The following FCRL2 variants were observed in gnomAD, a reference collection of about 807,000 sequenced individuals.
FCRL2 encodes the protein Fc receptor like 2.
In FCRL2, 48 loss-of-function variants were observed where a neutral mutation model predicts 59.8. That is an observed-to-expected ratio of 0.80 (90% CI 0.64 to 1.02). FCRL2 has a LOEUF of 1.02. Ranked by LOEUF, FCRL2 falls within the 50% of genes least tolerant of loss-of-function variation. The probability of loss-of-function intolerance (pLI) is 0.00; values close to 1 mark genes in which losing one functional copy is unlikely to be tolerated. For missense variants in FCRL2, 658 were observed against 597.3 expected (o/e 1.10, Z -1.06); for synonymous variants, 251 against 229.5 (o/e 1.09, Z -0.85).
intron 3 of FCRL2, 26 bp downstream of exon 3, chr1:157,770,383 C>G: frequency 1.3e-6 from 2 of 1,568,448 alleles, no homozygotes; most frequent in South Asian, 2.3e-5. Context: ...CTCACCCAGC[C>G]CATCCCACAG....
chr1:157,764,508 A>G (rs1458865402), intron 7 of FCRL2, among the ~76,000 whole-genome samples: 1 of 152,232 alleles, frequency 6.6e-6, no homozygotes, highest in Non-Finnish European at 1.5e-5. Context: ...TTGTTCAACA[A>G]CTACAGAATA....
chr1:157,760,294 T>C (rs1056291708), intron 7 of FCRL2, among the ~76,000 whole-genome samples: 3 of 151,126 alleles, frequency 2.0e-5, no homozygotes, highest in Non-Finnish European at 2.9e-5. Flanking sequence ...TATTTGAGGG[T>C]GGAGGGAGGG....
intron 2 of FCRL2, among the ~76,000 whole-genome samples, chr1:157,771,669 C>T (rs1296411758): frequency 4.6e-5 from 7 of 152,156 alleles, no homozygotes; most frequent in African/African-American, 7.2e-5. Context: ...CTAATTTTGA[C>T]CCCGTCACTT....
At chr1:157,759,393 C>G (rs111973915) in intron 7 of FCRL2, among the ~76,000 whole-genome samples, 7 of 152,166 alleles carry the variant, frequency 4.6e-5, no homozygotes, top group African/African-American at 1.7e-4. Context: ...CCAAGAAAAG[C>G]CTTCATGATG....
chr1:157,749,587 G>A (rs551070642), intron 8 of FCRL2, 63 bp downstream of exon 8: 4 of 1,137,706 alleles, frequency 3.5e-6, no homozygotes, highest in South Asian at 1.3e-5. Flanking sequence ...GAGTACAGTA[G>A]GTATTTAAAA....
At chr1:157,749,139 C>A (rs1305780548) in intron 8 of FCRL2, among the ~76,000 whole-genome samples, 179 bp from the exon 9 acceptor site, 1 of 152,116 alleles carries the variant, frequency 6.6e-6, no homozygotes, top group Non-Finnish European at 1.5e-5. Flanking sequence ...TGTTCCTTAT[C>A]TTTGGCTTTT....
rs1479175476 is a variant in FCRL2 at position 157,766,649 on chromosome 1, A to G, written c.1279+206T>C. The G allele has an allele frequency of 1.1e-5, 7 of 654,198 alleles. No individual in the cohort carries two copies. The South Asian group carries it at 1.7e-4, about 16-fold the overall frequency. The allele number at this position is 654,198 out of a possible 1,614,324, so 40.5% of individuals were successfully genotyped here. ...GTAAATAATTTAATCTCCAGTGACT[A>G]TGCACAGGGAACAGTGACATATTGT... is the stretch of plus-strand genomic sequence containing the variant. On this transcript the variant is annotated intron_variant, in intron 7 of 11. Coordinates refer to ENST00000361516, the MANE Select transcript of FCRL2 (RefSeq NM_030764.4).
intron 2 of FCRL2, among the ~76,000 whole-genome samples, chr1:157,775,071 A>G (rs1197427815): frequency 6.6e-6 from 1 of 152,242 alleles, no homozygotes; most frequent in African/African-American, 2.4e-5. Flanking sequence ...TAATACATGC[A>G]TTTTTAAAAA....
Position 157,746,671 on chromosome 1 carries a change from T to C in FCRL2, c.*65A>G, listed in dbSNP as rs1647768147. On this transcript the variant is annotated 3_prime_UTR_variant, in exon 12 of 12. Transcript: ENST00000361516. The stretch of plus-strand genomic sequence containing the variant: ...TAAGCCTCAAGCATTTTCATAAGGT[T>C]TTATAGCAAGTCTTAATGATGCCCC... 1.3e-6 allele frequency: 2 copies of C among 1,546,884 alleles called. No homozygotes were observed. Among genetic ancestry groups the C allele is most frequent in the African/African-American group, 2.7e-5 (2 of 73,472 alleles).
At chr1:157,752,352 C>A (rs1291766698) in intron 7 of FCRL2, among the ~76,000 whole-genome samples, 2 of 152,220 alleles carry the variant, frequency 1.3e-5, no homozygotes, top group African/African-American at 4.8e-5. Context: ...ATCTCTTTGC[C>A]TGCCGCCATC....
chr1:157,773,559 G>A (rs984208141), intron 2 of FCRL2, among the ~76,000 whole-genome samples: 1 of 152,192 alleles, frequency 6.6e-6, no homozygotes, highest in African/African-American at 2.4e-5. Flanking sequence ...TTGGTTCATA[G>A]TTTCATATCA....
At chr1:157,777,017 C>T (rs1325761770) in intron 1 of FCRL2, 26 bp downstream of exon 1, 5 of 1,607,028 alleles carry the variant, frequency 3.1e-6, no homozygotes, top group Non-Finnish European at 4.3e-6. Context: ...TGCCACCTCA[C>T]TTCTCAGTCA....
Position 157,770,010 on chromosome 1 carries a change from CCTGGTTTTCTCTGAAGAAGCAGAA to C in FCRL2, c.427_450del (p.Phe143_Gln150del). The stretch of plus-strand genomic sequence containing the variant: ...GAGCTGCTCCAGCCTGACCCCAGGA[CCTGGTTTTCTCTGAAGAAGCAGAA>C]CTGGAGTTGAACATCCAACCTCTGT... On this transcript the variant is annotated inframe_deletion, in exon 4 of 12. Transcript: ENST00000361516. 6.2e-7 allele frequency: 1 copy of C among 1,614,182 alleles called. No individual in the cohort carries two copies. Among genetic ancestry groups the C allele is most frequent in the Non-Finnish European group, 8.5e-7 (1 of 1,180,034 alleles).
At chr1:157,750,687 T>A (rs962397193) in intron 7 of FCRL2, among the ~76,000 whole-genome samples, 2 of 152,214 alleles carry the variant, frequency 1.3e-5, no homozygotes, top group East Asian at 3.8e-4. Context: ...GCTTGTTTAG[T>A]CTTCATGGAA....
chr1:157,757,503 A>G (rs1648689444), intron 7 of FCRL2, among the ~76,000 whole-genome samples: 1 of 152,146 alleles, frequency 6.6e-6, no homozygotes, highest in African/African-American at 2.4e-5. Context: ...AAAAAGAAAG[A>G]ACAACAGAGA....
intron 10 of FCRL2, among the ~76,000 whole-genome samples, chr1:157,747,343 G>A (rs180872000): frequency 1.1e-4 from 17 of 152,318 alleles, no homozygotes; most frequent in African/African-American, 3.8e-4. Context: ...GGTTGCAGGA[G>A]CTGCTTAGTG....
intron 7 of FCRL2, among the ~76,000 whole-genome samples, chr1:157,757,487 TA>T (rs138890498): frequency 0.011 from 1,664 of 147,930 alleles, 12 homozygotes; most frequent in Non-Finnish European, 0.018. Context: ...AAAGTATAAT[TA>T]AAAAAAAAAG....
Position 157,770,598 on chromosome 1 carries a change from C to G in FCRL2, c.121G>C (p.Glu41Gln). The part of the protein sequence containing the change: ...GDSIVLKCQG[E>Q]QNWKIQKMAY... ...ATCTTCTGAATTTTCCAGTTCTGTTCTCCCTGGCATTTCAGAACGATGCTG... is the reference window on the plus strand; with the variant it reads ...ATCTTCTGAATTTTCCAGTTCTGTTGTCCCTGGCATTTCAGAACGATGCTG... Residue 41 changes from glutamate to glutamine, a missense_variant, in exon 3 of 12, where the codon GAA becomes CAA. By Grantham distance (29) the Glu-to-Gln change is conservative. Transcript: ENST00000361516. 2.5e-6 allele frequency: 4 copies of G among 1,614,114 alleles called. No individual in the cohort carries two copies. The highest frequency in any genetic ancestry group is 3.4e-6 in the Non-Finnish European group (4 of 1,179,978).
In FCRL2 at chr1:157,746,713, T is replaced by G; in HGVS notation, c.*23A>C. ...TGATGCCCCATCCTTGCTGTTGATC[T>G]TCCCTTCTGATTCCTCCAAGTGTTA... On this transcript the variant is annotated 3_prime_UTR_variant, in exon 12 of 12. Transcript: ENST00000361516. 1 of 1,611,580 alleles carries G rather than the reference T, an allele frequency of 6.2e-7. No homozygotes were observed. Among genetic ancestry groups the G allele is most frequent in the East Asian group, 2.2e-5 (1 of 44,850 alleles).
Sources: allele counts gnomAD v4.1 joint callset (sites outside exome capture counted in the v4.1 genomes callset), GRCh38; gene constraint gnomAD v4.1.1; transcripts MANE v1.5; gene names NCBI Gene and HGNC (gene_info 2026-07-23, HGNC 2026-07-21).